ANKRD18B: variants seen among roughly 807,000 people sequenced by gnomAD.
ANKRD18B encodes the protein ankyrin repeat domain-containing protein 18B.
In ANKRD18B, 75 loss-of-function variants were observed where a neutral mutation model predicts 111.8. The observed-to-expected ratio is 0.67, with a 90% CI of 0.56 to 0.81. The LOEUF (loss-of-function observed/expected upper bound fraction) is 0.81, where lower values mean the gene tolerates loss of function less well. ANKRD18B is among the 40% of genes least tolerant of loss of function. The probability of loss-of-function intolerance (pLI) is 0.00; values close to 1 mark genes in which losing one functional copy is unlikely to be tolerated. For missense variants in ANKRD18B, 1,038 were observed against 1,225.5 expected (o/e 0.85, Z 2.28); for synonymous variants, 356 against 417.3 (o/e 0.85, Z 1.79).
chr9:33,533,591 A>C, intron 4 of ANKRD18B, 46 bp downstream of exon 4: 1 of 1,507,150 alleles, frequency 6.6e-7, no homozygotes, highest in Non-Finnish European at 8.8e-7. Flanking sequence ...TAAAAACCTG[A>C]GTGTTCTAGA....
Position 33,524,658 on chromosome 9 carries a change from A to G in ANKRD18B, c.169A>G (p.Arg57Gly). The G allele has an allele frequency of 6.4e-7, 1 of 1,551,086 alleles. No homozygotes were observed. Among genetic ancestry groups the G allele is most frequent in the Non-Finnish European group, 8.7e-7 (1 of 1,146,762 alleles). The change falls in exon 1 of 19, where the codon AGG (arginine) becomes GGG (glycine). Residue 57 changes from arginine (R) to glycine (G), a missense_variant. Arg to Gly is a moderately radical substitution (Grantham distance 125, BLOSUM62 -2). Transcript: ENST00000684830. The stretch of plus-strand genomic sequence containing the variant: ...AGAGGTGGAGCACTGCCTGACGCGC[A>G]GGTTCCGGGACTTGGACGTCCGCGA... Reference protein sequence around the residue: ...AAEVEHCLTRRFRDLDVRDRK... With the variant: ...AAEVEHCLTRGFRDLDVRDRK...
Position 33,548,142 on chromosome 9 carries a change from A to G in ANKRD18B, c.1354A>G (p.Thr452Ala). The G allele has an allele frequency of 2.0e-6, 3 of 1,534,366 alleles. No individual in the cohort carries two copies. The highest frequency in any genetic ancestry group is 2.6e-6 in the Non-Finnish European group (3 of 1,141,090). ...KSVRLNEEMI[T>A]KKVAQYSQQL... Reference sequence around the variant, plus strand: ...TGTAAGACTCAATGAAGAAATGATAACAAAAAAAGTGGCCCAGTATTCGCA... The same window carrying G: ...TGTAAGACTCAATGAAGAAATGATAGCAAAAAAAGTGGCCCAGTATTCGCA... The change falls in exon 11 of 19, where the codon ACA becomes GCA. Residue 452 changes from threonine to alanine, a missense_variant. By Grantham distance (58) the Thr-to-Ala change is moderately conservative. Transcript: ENST00000684830.
Position 33,524,556 on chromosome 9 carries a change from T to C in ANKRD18B, c.67T>C (p.Tyr23His), listed in dbSNP as rs1587252779. Reference sequence around the variant, plus strand: ...GCTCCTGAGCTCCATGGACCAAGAGTATGCGGGTCGGGGGTACCACATTCG... The same window carrying C: ...GCTCCTGAGCTCCATGGACCAAGAGCATGCGGGTCGGGGGTACCACATTCG... ...QALLSSMDQEYAGRGYHIRDW... is the reference protein window; with the variant it reads ...QALLSSMDQEHAGRGYHIRDW... Residue 23 changes from tyrosine to histidine, a missense_variant, in exon 1 of 19, where the codon TAT becomes CAT. Coordinates refer to ENST00000684830, the MANE Select transcript of ANKRD18B (RefSeq NM_001393611.1). The C allele has an allele frequency of 6.4e-7, 1 of 1,550,832 alleles. No individual in the cohort carries two copies. Among genetic ancestry groups the C allele is most frequent in the Non-Finnish European group, 8.7e-7 (1 of 1,146,660 alleles).
In ANKRD18B at chr9:33,541,202, G is replaced by GA. The variant is rs1394861556; in HGVS notation, c.1060dup (p.Arg354LysfsTer22). The GA allele has an allele frequency of 4.5e-6, 7 of 1,545,104 alleles. No homozygotes were observed. The highest frequency in any genetic ancestry group is 6.1e-6 in the Non-Finnish European group (7 of 1,145,374). ...AAAAAAGAAAAAAAAGAAAAAAATTGAAAAAAAGAAAAGAAGGTGCAAAAG... is the reference window on the plus strand; with the variant it reads ...AAAAAAGAAAAAAAAGAAAAAAATTGAAAAAAAAGAAAAGAAGGTGCAAAAG... On this transcript the variant is annotated frameshift_variant, in exon 9 of 19. Transcript: ENST00000684830. LOFTEE classifies it high-confidence loss of function.
intron 5 of ANKRD18B, among the ~76,000 whole-genome samples, chr9:33,535,849 T>C (rs116840864): frequency 0.042 from 6,288 of 148,434 alleles, 181 homozygotes; most frequent in South Asian, 0.069. Context: ...TCTCTTATAT[T>C]ATAATGAAAA....
At chr9:33,535,008 A>C (rs2118001706) in intron 5 of ANKRD18B, among the ~76,000 whole-genome samples, 1 of 151,462 alleles carries the variant, frequency 6.6e-6, no homozygotes, top group Admixed American at 6.6e-5. Context: ...CCCTGGGGCT[A>C]CCTCCTATGC....
At chr9:33,532,931 A>G (rs1457454437) in intron 3 of ANKRD18B, among the ~76,000 whole-genome samples, 1 of 152,248 alleles carries the variant, frequency 6.6e-6, no homozygotes, top group Non-Finnish European at 1.5e-5. Flanking sequence ...TCAAATGCAG[A>G]TGATCATGGA....
At chr9:33,551,554 A>G (rs1310286662) in intron 12 of ANKRD18B, among the ~76,000 whole-genome samples, 1 of 152,082 alleles carries the variant, frequency 6.6e-6, no homozygotes, top group Non-Finnish European at 1.5e-5. Flanking sequence ...TGTTTTCAGA[A>G]TTTTATCCAT....
chr9:33,527,078 T>G (rs1372649743), intron 1 of ANKRD18B, among the ~76,000 whole-genome samples: 1 of 152,194 alleles, frequency 6.6e-6, no homozygotes, highest in Non-Finnish European at 1.5e-5. Context: ...ATAGTAGGAC[T>G]TAATCTCATT....
At chr9:33,571,400 A>G (rs1357604410) in intron 18 of ANKRD18B, 109 bp downstream of exon 18, 3 of 361,586 alleles carry the variant, frequency 8.3e-6, no homozygotes, top group African/African-American at 2.2e-5. Context: ...TACATTCAGT[A>G]TCTTTTTCTT....
At chr9:33,525,934 A>G (rs1489998909) in intron 1 of ANKRD18B, among the ~76,000 whole-genome samples, 4 of 151,886 alleles carry the variant, frequency 2.6e-5, no homozygotes, top group Non-Finnish European at 5.9e-5. Context: ...TCTTTATTTT[A>G]CAGGGAATTC....
chr9:33,572,328 TG>T lies in ANKRD18B; in HGVS notation c.3239del (p.Gly1080AlafsTer10). 6.2e-7 allele frequency: 1 copy of T among 1,611,232 alleles called. No individual in the cohort carries two copies. Among genetic ancestry groups the T allele is most frequent in the Non-Finnish European group, 8.5e-7 (1 of 1,178,356 alleles). On this transcript the variant is annotated frameshift_variant, in exon 19 of 19. Transcript: ENST00000684830. LOFTEE classifies it low-confidence loss of function (END_TRUNC). ...TTTTTCTTTCCAGCTTTTGCTGCGT[TG>T]GGCCCTTGCTCCTATCTACTTTCTT... ...ITETKKTFAALGPCSYLLSSL... is the reference protein window; with the variant it reads ...ITETKKTFAAXGPCSYLLSSL...
At chr9:33,531,040 T>C (rs934975333) in intron 3 of ANKRD18B, among the ~76,000 whole-genome samples, 6 of 152,234 alleles carry the variant, frequency 3.9e-5, no homozygotes, top group African/African-American at 1.4e-4. Flanking sequence ...CTGTTAAGGT[T>C]ATAGAGCTTT....
chr9:33,548,437 C>T lies in ANKRD18B; in HGVS notation c.1649C>T (p.Ala550Val). The T allele has an allele frequency of 6.4e-7, 1 of 1,551,166 alleles. No individual in the cohort carries two copies. The highest frequency in any genetic ancestry group is 1.2e-5 in the South Asian group (1 of 83,994). Reference protein sequence around the residue: ...NELLTEQVHKARVKFNTLKGK... With the variant: ...NELLTEQVHKVRVKFNTLKGK... ...TTGCTTACTGAACAGGTCCATAAAG[C>T]TCGGGTGAAGTTCAATACCTTAAAA... Residue 550 changes from alanine to valine, a missense_variant, in exon 11 of 19, where the codon GCT becomes GTT. This residue lies in a region of ANKRD18B where 524 missense variants were observed against 677.9 expected (regional missense o/e 0.77). Transcript: ENST00000684830.
Position 33,533,515 on chromosome 9 carries a change from C to A in ANKRD18B, c.572C>A (p.Ala191Glu). Residue 191 changes from alanine (A) to glutamate (E), a missense_variant, in exon 4 of 19, where the codon GCA becomes GAA. Coordinates refer to ENST00000684830, the MANE Select transcript of ANKRD18B (RefSeq NM_001393611.1). Reference sequence around the variant, plus strand: ...GTGGAATTTTTATTGAAGAACCAGGCAAATATACATGCCGTTGACAATTTC... The same window carrying A: ...GTGGAATTTTTATTGAAGAACCAGGAAAATATACATGCCGTTGACAATTTC... ...HMVEFLLKNQ[A>E]NIHAVDNFKR... is the part of the protein sequence containing the mutation. The A allele has an allele frequency of 1.3e-6, 2 of 1,529,600 alleles. No individual in the cohort carries two copies. The highest frequency in any genetic ancestry group is 1.4e-5 in the African/African-American group (1 of 71,444). The allele number at this position is 1,529,600 out of a possible 1,614,324, so 94.8% of individuals were successfully genotyped here.
At chr9:33,565,324 T>C (rs1191669192) in intron 14 of ANKRD18B, among the ~76,000 whole-genome samples, 7 of 152,186 alleles carry the variant, frequency 4.6e-5, no homozygotes, top group Admixed American at 4.6e-4. Context: ...TGGCTGTAAA[T>C]ATGTGGATTT....
intron 10 of ANKRD18B, among the ~76,000 whole-genome samples, chr9:33,544,970 C>T (rs1207429740): frequency 6.6e-6 from 1 of 152,134 alleles, no homozygotes; most frequent in Admixed American, 6.5e-5. Flanking sequence ...AAGGGAGTGC[C>T]CTGTAATCTG....
chr9:33,563,190 C>A (rs1000030004), intron 14 of ANKRD18B, among the ~76,000 whole-genome samples: 4 of 152,156 alleles, frequency 2.6e-5, no homozygotes, highest in African/African-American at 9.7e-5. Context: ...TTTTCTGCTA[C>A]CTAAGTTGTT....
At chr9:33,557,520 G>A (rs1358668353) in intron 13 of ANKRD18B, among the ~76,000 whole-genome samples, 1 of 152,262 alleles carries the variant, frequency 6.6e-6, no homozygotes, top group East Asian at 1.9e-4. Context: ...CAGGTGTGGT[G>A]GCTCATGCCT....
Sources: gnomAD v4.1 joint callset for allele counts (sites outside exome capture counted in the v4.1 genomes callset) on GRCh38, gnomAD v4.1.1 for gene constraint, gnomAD v4.1.1 regional missense constraint, MANE v1.5 for transcripts, NCBI Gene and HGNC (gene_info 2026-07-23, HGNC 2026-07-21) for gene names.